The following BBS9 variants were observed in gnomAD, a reference collection of about 807,000 sequenced individuals.
BBS9 encodes the protein protein PTHB1.
A neutral mutation model predicts 117.7 loss-of-function variants in BBS9; 89 were observed. That is an observed-to-expected ratio of 0.76 (90% CI 0.64 to 0.90). The LOEUF (loss-of-function observed/expected upper bound fraction) is 0.90, where lower values mean the gene tolerates loss of function less well. BBS9 is among the 40% of genes least tolerant of loss of function. BBS9 has a pLI of 0.00. For synonymous variants in BBS9, 379 were observed against 370.9 expected (o/e 1.02, Z -0.25); for missense variants, 982 against 1,042.2 (o/e 0.94, Z 0.80).
At chr7:33,556,635 A>G (rs759975468) in intron 21 of BBS9, among the ~76,000 whole-genome samples, 1 of 152,202 alleles carries the variant, frequency 6.6e-6, no homozygotes, top group Non-Finnish European at 1.5e-5. Context: ...GCATAATGGG[A>G]TGACATATGA....
At chr7:33,362,500 A>G (rs1820809459) in intron 16 of BBS9, among the ~76,000 whole-genome samples, 1 of 152,174 alleles carries the variant, frequency 6.6e-6, no homozygotes, top group Admixed American at 6.5e-5. Flanking sequence ...TAATTGTTAC[A>G]GCACTATTTT....
At chr7:33,229,093 G>A (rs901983139) in intron 5 of BBS9, among the ~76,000 whole-genome samples, 5 of 152,090 alleles carry the variant, frequency 3.3e-5, no homozygotes, top group African/African-American at 1.2e-4. Flanking sequence ...TATACAACAT[G>A]ATTTATGAGT....
intron 20 of BBS9, among the ~76,000 whole-genome samples, chr7:33,510,297 C>T (rs1470576904): frequency 6.6e-6 from 1 of 151,822 alleles, no homozygotes; most frequent in African/African-American, 2.4e-5. Context: ...AAACATGTCT[C>T]GATTGACCCT....
At chr7:33,488,254 T>C (rs1025419664) in intron 19 of BBS9, among the ~76,000 whole-genome samples, 1 of 152,200 alleles carries the variant, frequency 6.6e-6, no homozygotes, top group Non-Finnish European at 1.5e-5. Flanking sequence ...TTGTAGGTAA[T>C]AAGTGGCATG....
intron 9 of BBS9, among the ~76,000 whole-genome samples, chr7:33,299,195 C>T (rs866364205): frequency 7.2e-5 from 11 of 152,272 alleles, no homozygotes; most frequent in Middle Eastern, 3.4e-3. Flanking sequence ...CTAAGACTTT[C>T]AGTCATAATA....
intron 21 of BBS9, among the ~76,000 whole-genome samples, chr7:33,585,588 C>G (rs773322109): frequency 2.0e-5 from 3 of 151,966 alleles, no homozygotes; most frequent in Non-Finnish European, 4.4e-5. Context: ...CACTACCATT[C>G]TAGATCACTA....
chr7:33,203,347 G>A (rs1467142821), intron 5 of BBS9, among the ~76,000 whole-genome samples: 2 of 152,136 alleles, frequency 1.3e-5, no homozygotes, highest in South Asian at 4.1e-4. Context: ...GATTCAGTAG[G>A]AGTGGCATGA....
At chr7:33,164,506 G>T (rs574575749) in intron 4 of BBS9, among the ~76,000 whole-genome samples, 1 of 152,178 alleles carries the variant, frequency 6.6e-6, no homozygotes, top group African/African-American at 2.4e-5. Flanking sequence ...TTATGAATCT[G>T]GGTGCTCCAG....
chr7:33,181,069 G>A (rs1373787473), intron 5 of BBS9, among the ~76,000 whole-genome samples: 1 of 152,192 alleles, frequency 6.6e-6, no homozygotes, highest in Non-Finnish European at 1.5e-5. Context: ...CTGCTGTGCT[G>A]AGTGAGTGGG....
intron 20 of BBS9, 91 bp from the exon 21 acceptor site, chr7:33,533,863 C>A (rs1040842809): frequency 6.5e-5 from 92 of 1,412,596 alleles, no homozygotes; most frequent in Non-Finnish European, 8.8e-5. Flanking sequence ...AACACTTGAA[C>A]ATAAACACTC....
intron 19 of BBS9, among the ~76,000 whole-genome samples, chr7:33,422,554 C>G (rs1833017296): frequency 1.3e-5 from 2 of 152,134 alleles, no homozygotes; most frequent in African/African-American, 4.8e-5. Context: ...TTCCTGCTTT[C>G]TAGCTACCAC....
At chr7:33,204,659 C>T (rs1253972739) in intron 5 of BBS9, among the ~76,000 whole-genome samples, 1 of 152,034 alleles carries the variant, frequency 6.6e-6, no homozygotes, top group East Asian at 1.9e-4. Context: ...ACACGAAGTC[C>T]AATCAGTTAC....
chr7:33,544,182 C>G lies in BBS9; in HGVS notation c.2521+10006C>G, dbSNP rs558284900. On this transcript the variant is annotated intron_variant, in intron 21 of 22. Transcript: ENST00000242067. ...CCCTGATTAGCTTAATAACTAACCTCCTGAATTCTTTTTCAGGTAAATCAG... is the reference window on the plus strand; with the variant it reads ...CCCTGATTAGCTTAATAACTAACCTGCTGAATTCTTTTTCAGGTAAATCAG... Among the ~76,000 whole-genome samples the G allele has an allele frequency of 2.0e-5, 3 of 152,278 alleles. No individual in the cohort carries two copies. In the South Asian group the frequency reaches 6.2e-4, roughly 32 times the overall value.
intron 5 of BBS9, among the ~76,000 whole-genome samples, chr7:33,205,979 A>G (rs892260053): frequency 6.6e-6 from 1 of 152,206 alleles, no homozygotes; most frequent in African/African-American, 2.4e-5. Context: ...GTAGTCACCT[A>G]TCTCAAAGCT....
At chr7:33,333,203 C>A (rs756358884) in intron 9 of BBS9, among the ~76,000 whole-genome samples, 1 of 152,142 alleles carries the variant, frequency 6.6e-6, no homozygotes, top group African/African-American at 2.4e-5. Flanking sequence ...TTGTCCCTCA[C>A]CCCTCTCCCA....
chr7:33,314,360 T>C (rs1810000409), intron 9 of BBS9: 1 of 379,910 alleles, frequency 2.6e-6, no homozygotes, highest in African/African-American at 2.1e-5. Context: ...CTTGCCTTCT[T>C]GGCATTTATA....
chr7:33,527,191 C>T (rs947831259), intron 20 of BBS9, among the ~76,000 whole-genome samples: 1 of 152,168 alleles, frequency 6.6e-6, no homozygotes, highest in Non-Finnish European at 1.5e-5. Flanking sequence ...GAGGTTACTG[C>T]TGTCTTTTTG....
chr7:33,414,873 G>A (rs984587550), intron 19 of BBS9, among the ~76,000 whole-genome samples: 2 of 152,048 alleles, frequency 1.3e-5, no homozygotes, highest in Non-Finnish European at 2.9e-5. Flanking sequence ...ACTTCAGAGA[G>A]ATGATATCAG....
chr7:33,352,904 A>G (rs181943695), intron 15 of BBS9, 31 bp downstream of exon 15: 1 of 1,598,368 alleles, frequency 6.3e-7, no homozygotes, highest in Non-Finnish European at 8.6e-7. Context: ...GAAAAAAATG[A>G]ATTTCAGAAC....
Sources: gnomAD v4.1 joint callset for allele counts (sites outside exome capture counted in the v4.1 genomes callset) on GRCh38, gnomAD v4.1.1 for gene constraint, MANE v1.5 for transcripts, NCBI Gene and HGNC (gene_info 2026-07-23, HGNC 2026-07-21) for gene names.